Variants in TBC1D8B observed in about 807,000 individuals in gnomAD.
TBC1D8B encodes RP11-321G1.1.
In TBC1D8B, 75 loss-of-function variants were observed where a neutral mutation model predicts 82.9. The ratio of observed to expected loss-of-function variants is 0.90; its 90% confidence interval spans 0.75 to 1.10. The LOEUF (loss-of-function observed/expected upper bound fraction) is 1.10, where lower values mean the gene tolerates loss of function less well. Among genes scored for constraint, TBC1D8B ranks in the 50% least tolerant of loss-of-function variants. The pLI is 0.00. For missense variants in TBC1D8B, 794 were observed against 796.9 expected (o/e 1.00, Z 0.04); for synonymous variants, 276 against 276.8 (o/e 1.00, Z 0.03).
chrX:106,840,304 G>T, intron 9 of TBC1D8B, 106 bp downstream of exon 9: 1 of 854,452 alleles, frequency 1.2e-6, no homozygotes, highest in Non-Finnish European at 1.6e-6. Flanking sequence ...TTAATACAAA[G>T]TCTTACTCAT....
At chrX:106,829,800 G>A (rs1931982288) in intron 7 of TBC1D8B, 1 of 111,590 alleles carries the variant, frequency 9.0e-6, no homozygotes, top group Non-Finnish European at 1.9e-5. Context: ...AATTCAAGAT[G>A]GATTAAAGAC....
intron 7 of TBC1D8B, chrX:106,828,416 A>C (rs1283579058): frequency 8.9e-6 from 1 of 112,677 alleles, no homozygotes; most frequent in East Asian, 2.8e-4. Flanking sequence ...ATAGAAAAAG[A>C]GGGAATCCTC....
intron 1 of TBC1D8B, among the ~76,000 whole-genome samples, chrX:106,811,025 A>G (rs1323519652): frequency 1.8e-5 from 2 of 112,217 alleles, no homozygotes; most frequent in Admixed American, 1.9e-4. Context: ...AAAAGAAAAA[A>G]CAAGACTGAA....
Position 106,820,977 on chromosome X carries a change from T to C in TBC1D8B, c.342T>C (p.Phe114=), listed in dbSNP as rs1330000268. 2 of 1,144,701 alleles carry C rather than the reference T, an allele frequency of 1.7e-6. No homozygotes were observed. Among genetic ancestry groups the C allele is most frequent in the East Asian group, 3.1e-5 (1 of 32,443 alleles). The allele number at this position is 1,144,701 out of a possible 1,213,427, so 94.3% of individuals were successfully genotyped here. ...ATTCAAATGAAGATATTACTAATTT[T>C]GTACAAGGAAAAATAAGAGTAAGTG... ...VFDSNEDITN[F]VQGKIRGLIA... The change falls in exon 3 of 21, where the codon TTT becomes TTC. Residue 114 remains phenylalanine, a synonymous_variant. Transcript: ENST00000357242.
intron 7 of TBC1D8B, among the ~76,000 whole-genome samples, chrX:106,836,282 C>T (rs945427548): frequency 9.0e-6 from 1 of 111,531 alleles, no homozygotes; most frequent in Non-Finnish European, 1.9e-5. Context: ...CACTCACTAT[C>T]ATGAGAACAG....
At chrX:106,830,593 C>T (rs1299864216) in intron 7 of TBC1D8B, among the ~76,000 whole-genome samples, 1 of 110,791 alleles carries the variant, frequency 9.0e-6, no homozygotes, top group Non-Finnish European at 1.9e-5. Context: ...GGCACATATA[C>T]ACCATGGAAT....
chrX:106,855,868 A>G (rs1327184990), intron 14 of TBC1D8B, among the ~76,000 whole-genome samples: 3 of 111,070 alleles, frequency 2.7e-5, no homozygotes, highest in Non-Finnish European at 5.7e-5. Context: ...AACACCAGAT[A>G]TTTAAAATCT....
At chrX:106,857,588 C>T (rs1180024405) in intron 14 of TBC1D8B, among the ~76,000 whole-genome samples, 1 of 111,424 alleles carries the variant, frequency 9.0e-6, no homozygotes, top group Admixed American at 9.5e-5. Flanking sequence ...CATGTAGGCC[C>T]CTGTTTCTAT....
chrX:106,830,332 T>A (rs1190690584), intron 7 of TBC1D8B, among the ~76,000 whole-genome samples: 3 of 111,350 alleles, frequency 2.7e-5, no homozygotes, highest in African/African-American at 9.8e-5. Context: ...TAGGAACACT[T>A]TTACACTGTT....
At chrX:106,841,317 G>A (rs1046630944) in intron 10 of TBC1D8B, among the ~76,000 whole-genome samples, 1 of 111,806 alleles carries the variant, frequency 8.9e-6, no homozygotes, top group Non-Finnish European at 1.9e-5. Context: ...AGAAGGCTTC[G>A]TGGAAAAGGT....
At chrX:106,834,543 G>A (rs1191949553) in intron 7 of TBC1D8B, among the ~76,000 whole-genome samples, 1 of 111,187 alleles carries the variant, frequency 9.0e-6, no homozygotes, top group African/African-American at 3.3e-5. Context: ...GCCCCCTAAA[G>A]TCTTAATTCA....
At position 106,853,524 on chromosome X, in the gene TBC1D8B, C is replaced by G; in HGVS notation, c.2127C>G (p.Phe709Leu). The change falls in exon 13 of 21, where the codon TTC (phenylalanine) becomes TTG (leucine). Residue 709 changes from phenylalanine to leucine, a missense_variant. Transcript: ENST00000357242. ...TATTACTATCACTTTTCAATAGGTTCTTTGACAATGTCACTAATAAGGATA... is the reference window on the plus strand; with the variant it reads ...TATTACTATCACTTTTCAATAGGTTGTTTGACAATGTCACTAATAAGGATA... ...DAEAVTALNR[F>L]FDNVTNKDSP... 1 of 1,205,916 alleles carries G rather than the reference C, an allele frequency of 8.3e-7. No individual in the cohort carries two copies. Among genetic ancestry groups the G allele is most frequent in the Non-Finnish European group, 1.1e-6 (1 of 891,413 alleles).
intron 1 of TBC1D8B, among the ~76,000 whole-genome samples, chrX:106,806,199 CT>C (rs1303274509): frequency 8.9e-6 from 1 of 112,092 alleles, no homozygotes; most frequent in Non-Finnish European, 1.9e-5. Flanking sequence ...TGAAACACTT[CT>C]AGTGGATATC....
intron 10 of TBC1D8B, among the ~76,000 whole-genome samples, chrX:106,842,647 CTATCTATTCTG>C (rs1569453443): frequency 3.4e-5 from 3 of 89,225 alleles, no homozygotes; most frequent in Non-Finnish European, 6.6e-5. Flanking sequence ...ATCTATCTAT[CTATCTATTCTG>C]TCTCTCTAAT....
chrX:106,843,352 TA>T (rs1932362313), intron 10 of TBC1D8B, among the ~76,000 whole-genome samples: 2 of 111,975 alleles, frequency 1.8e-5, no homozygotes, highest in African/African-American at 6.5e-5. Flanking sequence ...TATTTTATTT[TA>T]TTTTTTTACC....
At chrX:106,847,346 C>T (rs2147758504) in intron 10 of TBC1D8B, among the ~76,000 whole-genome samples, 1 of 111,175 alleles carries the variant, frequency 9.0e-6, no homozygotes, top group Non-Finnish European at 1.9e-5. Context: ...AGATTTAGTA[C>T]ACAGTGTGAT....
chrX:106,873,008 G>A (rs1932860353), intron 20 of TBC1D8B, among the ~76,000 whole-genome samples: 1 of 111,925 alleles, frequency 8.9e-6, no homozygotes, highest in Non-Finnish European at 1.9e-5. Context: ...AGTAATGCTG[G>A]CAGGCAAACA....
intron 7 of TBC1D8B, among the ~76,000 whole-genome samples, chrX:106,836,099 A>T (rs1037341740): frequency 8.9e-6 from 1 of 111,801 alleles, no homozygotes; most frequent in Non-Finnish European, 1.9e-5. Flanking sequence ...AATACCCAAG[A>T]CTGGGTAATA....
At chrX:106,849,182 T>C in intron 11 of TBC1D8B, 2 of 1,027,065 alleles carry the variant, frequency 1.9e-6, no homozygotes, top group South Asian at 4.5e-5. Context: ...TGTGGTTAGG[T>C]CATCGATTTT....
Sources: allele counts gnomAD v4.1 joint callset (sites outside exome capture counted in the v4.1 genomes callset), GRCh38; gene constraint gnomAD v4.1.1; transcripts MANE v1.5; gene names NCBI Gene and HGNC (gene_info 2026-07-23, HGNC 2026-07-21).